Variants in KATNIP observed in about 807,000 individuals in gnomAD.
KATNIP encodes katanin-interacting protein.
A neutral mutation model predicts 174.0 loss-of-function variants in KATNIP; 126 were observed. The observed-to-expected ratio is 0.72, with a 90% CI of 0.63 to 0.84. The LOEUF is 0.84. Ranked by LOEUF, KATNIP falls within the 40% of genes least tolerant of loss-of-function variation. KATNIP has a pLI of 0.00. For synonymous variants in KATNIP, 810 were observed against 835.7 expected, an observed-to-expected ratio of 0.97 and a Z score of 0.53; for missense variants, 1,958 against 2,109.7, an observed-to-expected ratio of 0.93 and a Z score of 1.41.
At chr16:27,674,542 C>T (rs1797063474) in intron 6 of KATNIP, among the ~76,000 whole-genome samples, 1 of 152,206 alleles carries the variant, frequency 6.6e-6, no homozygotes, top group Non-Finnish European at 1.5e-5. Context: ...CTGACCTCTG[C>T]TTCCATTCTT....
intron 2 of KATNIP, among the ~76,000 whole-genome samples, chr16:27,580,392 C>T (rs1016372468): frequency 3.3e-5 from 5 of 152,186 alleles, no homozygotes; most frequent in Admixed American, 6.5e-5. Context: ...GGATTATAGG[C>T]GTGAGCCACC....
chr16:27,667,367 A>G (rs2077722819), intron 6 of KATNIP, among the ~76,000 whole-genome samples: 2 of 152,200 alleles, frequency 1.3e-5, no homozygotes, highest in African/African-American at 4.8e-5. Flanking sequence ...AAAAGAACAA[A>G]TTAATCAACT....
At chr16:27,764,353 C>G (rs2082057490) in intron 19 of KATNIP, among the ~76,000 whole-genome samples, 1 of 152,180 alleles carries the variant, frequency 6.6e-6, no homozygotes, top group Non-Finnish European at 1.5e-5. Context: ...TTTGAAGAGT[C>G]AATTCTTTGC....
At chr16:27,733,733 G>A (rs957127801) in intron 14 of KATNIP, among the ~76,000 whole-genome samples, 7 of 152,170 alleles carry the variant, frequency 4.6e-5, no homozygotes, top group African/African-American at 1.7e-4. Flanking sequence ...CCTGACGACT[G>A]GAGGGGGAGG....
chr16:27,761,712 G>A, intron 19 of KATNIP, 122 bp downstream of exon 19: 1 of 860,602 alleles, frequency 1.2e-6, no homozygotes, highest in South Asian at 1.5e-5. Context: ...TGGCCACCCT[G>A]TGAGGTAATG....
At chr16:27,618,559 A>ATT in intron 3 of KATNIP, 58 bp downstream of exon 3, 1 of 1,258,182 alleles carries the variant, frequency 7.9e-7, no homozygotes, top group Non-Finnish European at 1.2e-6. Context: ...ATCTATTTAG[A>ATT]TTTATTAACA....
intron 1 of KATNIP, among the ~76,000 whole-genome samples, chr16:27,566,992 G>A (rs2090117170): frequency 6.6e-6 from 1 of 151,918 alleles, no homozygotes; most frequent in Admixed American, 6.6e-5. Flanking sequence ...TAGCCTATTG[G>A]CTTCACTAAG....
intron 6 of KATNIP, among the ~76,000 whole-genome samples, chr16:27,671,759 TA>T (rs1204743904): frequency 6.6e-6 from 1 of 152,184 alleles, no homozygotes; most frequent in Admixed American, 6.5e-5. Context: ...AGAGATCTTT[TA>T]AAAGCAGAAA....
intron 8 of KATNIP, among the ~76,000 whole-genome samples, chr16:27,691,469 G>A (rs893810416): frequency 6.6e-6 from 1 of 152,186 alleles, no homozygotes; most frequent in Non-Finnish European, 1.5e-5. Flanking sequence ...TCTGTGATGG[G>A]AATAAATCCA....
rs183328034 is a variant in KATNIP at position 27,752,643 on chromosome 16, C to T, written c.3552+719C>T. Among the ~76,000 whole-genome samples, 804 of 152,282 alleles carry T rather than the reference C, an allele frequency of 5.3e-3. 7 individuals are homozygous for T. Among genetic ancestry groups the T allele is most frequent in the African/African-American group, 0.019 (773 of 41,568 alleles). On this transcript the variant is annotated intron_variant, in intron 17 of 27. Coordinates refer to ENST00000261588, the MANE Select transcript of KATNIP (RefSeq NM_015202.5). ...CATAGCTCATTGCAGCTCAAACTCC[C>T]GGGGCTCAAGCAATCCTACCACCTC...
chr16:27,633,589 G>T (rs1216500252), intron 5 of KATNIP, among the ~76,000 whole-genome samples: 2 of 151,890 alleles, frequency 1.3e-5, no homozygotes, highest in Non-Finnish European at 2.9e-5. Context: ...TCCACGTCAG[G>T]CCTGTTGTTA....
chr16:27,717,825 C>G (rs888544510), intron 13 of KATNIP, among the ~76,000 whole-genome samples: 1 of 152,104 alleles, frequency 6.6e-6, no homozygotes, highest in Non-Finnish European at 1.5e-5. Flanking sequence ...AGGAGCAGCA[C>G]TCAACCAACA....
chr16:27,644,604 C>T (rs1455568597), intron 5 of KATNIP: 1 of 152,282 alleles, frequency 6.6e-6, no homozygotes, highest in Non-Finnish European at 1.5e-5. Flanking sequence ...CTCCTAGGCT[C>T]AAGTGATCCT....
intron 2 of KATNIP, among the ~76,000 whole-genome samples, chr16:27,587,860 T>G (rs1370570931): frequency 6.6e-6 from 1 of 152,106 alleles, no homozygotes; most frequent in Non-Finnish European, 1.5e-5. Flanking sequence ...CTATTTATAT[T>G]TCTTTCTAGC....
intron 13 of KATNIP, among the ~76,000 whole-genome samples, chr16:27,713,809 C>CATACATAT (rs2079766539): frequency 3.0e-5 from 1 of 33,346 alleles, no homozygotes; most frequent in Non-Finnish European, 6.2e-5. Flanking sequence ...TGTGTATATA[C>CATACATAT]ATATATATAT....
chr16:27,691,587 G>A (rs1567305616), intron 8 of KATNIP, among the ~76,000 whole-genome samples: 1 of 152,236 alleles, frequency 6.6e-6, no homozygotes, highest in Non-Finnish European at 1.5e-5. Context: ...GTGAGGGAGT[G>A]CACAGAGGGA....
chr16:27,583,033 G>A (rs1437498108), intron 2 of KATNIP, among the ~76,000 whole-genome samples: 1 of 152,148 alleles, frequency 6.6e-6, no homozygotes, highest in Non-Finnish European at 1.5e-5. Context: ...GACCTCTGCA[G>A]TTAGGTTGGG....
intron 1 of KATNIP, among the ~76,000 whole-genome samples, chr16:27,566,787 C>CTA (rs1338083959): frequency 6.6e-6 from 1 of 152,196 alleles, no homozygotes; most frequent in African/African-American, 2.4e-5. Flanking sequence ...ATCCCAAGAG[C>CTA]TATCACCCGG....
rs1246240566 is a variant in KATNIP at position 27,698,487 on chromosome 16, C to A, written c.1100C>A (p.Ala367Asp). The part of the protein sequence containing the change: ...ALLSRKAEQP[A>D]SPLQDAEGPP... ...CTCAGCAGAAAGGCCGAGCAGCCAG[C>A]CAGCCCACTGCAGGTGCGCTCCGGG... is the stretch of plus-strand genomic sequence containing the variant. Residue 367 changes from alanine to aspartate, a missense_variant, in exon 9 of 28, where the codon GCC becomes GAC. By Grantham distance (126) the Ala-to-Asp change is moderately radical (BLOSUM62 -2). This residue lies in a region of KATNIP where 1,557 missense variants were observed against 1,617.8 expected (regional missense o/e 0.96). Coordinates refer to ENST00000261588, the MANE Select transcript of KATNIP (RefSeq NM_015202.5). 6.2e-7 allele frequency: 1 copy of A among 1,609,634 alleles called. No individual in the cohort carries two copies. Among genetic ancestry groups the A allele is most frequent in the Admixed American group, 1.7e-5 (1 of 59,844 alleles).
Sources: allele counts gnomAD v4.1 joint callset (sites outside exome capture counted in the v4.1 genomes callset), GRCh38; gene constraint gnomAD v4.1.1; regional missense constraint gnomAD v4.1.1; transcripts MANE v1.5; gene names NCBI Gene and HGNC (gene_info 2026-07-23, HGNC 2026-07-21).